Variants in LRRTM4 observed in about 807,000 individuals in gnomAD.
The protein encoded by LRRTM4 is leucine-rich repeat transmembrane neuronal protein 4.
Under a neutral mutation model 47.6 loss-of-function variants are expected in LRRTM4, and 25 were observed. That is an observed-to-expected ratio of 0.53 (90% CI 0.38 to 0.73). The LOEUF (loss-of-function observed/expected upper bound fraction) is 0.73, where lower values mean the gene tolerates loss of function less well. LRRTM4 is among the 30% of genes least tolerant of loss of function. The pLI is 0.00. For missense variants in LRRTM4, 638 were observed against 713.4 expected (o/e 0.89, Z 1.20); for synonymous variants, 311 against 269.5 (o/e 1.15, Z -1.51).
intron 3 of LRRTM4, among the ~76,000 whole-genome samples, chr2:76,778,609 C>T (rs997725086): frequency 4.0e-5 from 6 of 151,856 alleles, no homozygotes; most frequent in Admixed American, 6.6e-5. Context: ...TGGTGATATC[C>T]CCTTTATCAT....
At chr2:77,278,436 T>A (rs1676424316) in intron 3 of LRRTM4, among the ~76,000 whole-genome samples, 1 of 151,960 alleles carries the variant, frequency 6.6e-6, no homozygotes, top group Admixed American at 6.6e-5. Flanking sequence ...TGAATGTTGA[T>A]CAGTACTTTT....
chr2:77,015,663 AT>A (rs59257762), intron 3 of LRRTM4, among the ~76,000 whole-genome samples: 43,052 of 151,866 alleles, frequency 0.28, 7,958 homozygotes, highest in African/African-American at 0.52. Context: ...CACTGGATGT[AT>A]TTTTGAAGTA....
At chr2:77,048,284 T>C (rs1679301013) in intron 3 of LRRTM4, among the ~76,000 whole-genome samples, 1 of 152,050 alleles carries the variant, frequency 6.6e-6, no homozygotes, top group African/African-American at 2.4e-5. Flanking sequence ...AGTATTGGCG[T>C]GAGAAATTGT....
At chr2:76,972,043 A>T (rs12328260) in intron 3 of LRRTM4, among the ~76,000 whole-genome samples, 32,585 of 151,902 alleles carry the variant, frequency 0.21, 4,147 homozygotes, top group African/African-American at 0.34. Flanking sequence ...GCTTCCATTT[A>T]AAATATAGTA....
intron 3 of LRRTM4, chr2:76,772,815 ATTG>A (rs1195042090): frequency 1.8e-4 from 28 of 152,110 alleles, no homozygotes; most frequent in African/African-American, 4.6e-4. Flanking sequence ...ATTAGTAATT[ATTG>A]TTGTTAATCT....
At chr2:76,860,386 G>A (rs541285522) in intron 3 of LRRTM4, among the ~76,000 whole-genome samples, 1 of 152,276 alleles carries the variant, frequency 6.6e-6, no homozygotes, top group Non-Finnish European at 1.5e-5. Flanking sequence ...GTGTTTACAT[G>A]TGGAGCAGAT....
chr2:76,773,850 C>A (rs192283272), intron 3 of LRRTM4, among the ~76,000 whole-genome samples: 1 of 150,864 alleles, frequency 6.6e-6, no homozygotes, highest in African/African-American at 2.4e-5. Flanking sequence ...ATAATGGTAG[C>A]AGAGGTTTGA....
chr2:76,835,466 T>C (rs936474184), intron 3 of LRRTM4, among the ~76,000 whole-genome samples: 2 of 152,156 alleles, frequency 1.3e-5, no homozygotes, highest in African/African-American at 4.8e-5. Context: ...TTCTGATTTA[T>C]TCTTGCATTT....
intron 3 of LRRTM4, among the ~76,000 whole-genome samples, chr2:77,156,998 A>G (rs1315931021): frequency 6.6e-6 from 1 of 151,828 alleles, no homozygotes; most frequent in Non-Finnish European, 1.5e-5. Context: ...AACCTTTAAT[A>G]TTTGTTATCA....
chr2:77,431,072 G>A (rs1406071994), intron 3 of LRRTM4, among the ~76,000 whole-genome samples: 2 of 148,838 alleles, frequency 1.3e-5, no homozygotes, highest in East Asian at 3.9e-4. Context: ...GCCTAGGACT[G>A]AGAGTCGCAA....
At chr2:77,472,777 T>C (rs1055392042) in intron 3 of LRRTM4, among the ~76,000 whole-genome samples, 5 of 152,134 alleles carry the variant, frequency 3.3e-5, no homozygotes, top group Non-Finnish European at 7.4e-5. Flanking sequence ...AGGTACTGGT[T>C]TGATTTCCTA....
intron 3 of LRRTM4, among the ~76,000 whole-genome samples, chr2:77,336,086 T>TGGAA (rs141318745): frequency 4.7e-5 from 7 of 149,654 alleles, no homozygotes; most frequent in South Asian, 2.1e-4. Flanking sequence ...GAAATTATTT[T>TGGAA]GGAAGGAAGG....
chr2:77,311,430 G>C (rs1305618317), intron 3 of LRRTM4, among the ~76,000 whole-genome samples: 2 of 152,162 alleles, frequency 1.3e-5, no homozygotes, highest in Non-Finnish European at 2.9e-5. Flanking sequence ...ATAGTCTCAG[G>C]AGTGGGAACA....
intron 3 of LRRTM4, among the ~76,000 whole-genome samples, chr2:77,079,028 C>G (rs1411111595): frequency 6.6e-6 from 1 of 152,158 alleles, no homozygotes; most frequent in Middle Eastern, 3.2e-3. Context: ...GGACTAAGGC[C>G]TCGCGATCTA....
rs192048651 is a variant in LRRTM4 at position 77,472,829 on chromosome 2, A to G, written c.1551+45489T>C. Among the ~76,000 whole-genome samples, 932 of 152,210 alleles carry G rather than the reference A, an allele frequency of 6.1e-3. 13 individuals carry two copies. The highest frequency in any genetic ancestry group is 0.021 in the African/African-American group (867 of 41,542). ...TGAAGGTGAAGTTGGTAGATAAGCT[A>G]TATGGCTGGTGAATGAAATAAAGGA... is the stretch of plus-strand genomic sequence containing the variant. On this transcript the variant is annotated intron_variant, in intron 3 of 3. Coordinates refer to ENST00000409884, the MANE Select transcript of LRRTM4 (RefSeq NM_001134745.3).
chr2:77,020,861 C>G (rs180934009), intron 3 of LRRTM4, among the ~76,000 whole-genome samples: 176 of 152,246 alleles, frequency 1.2e-3, no homozygotes, highest in African/African-American at 4.2e-3. Flanking sequence ...CATTTTCTGT[C>G]CATGGATTGG....
At chr2:77,187,748 C>T (rs1399487914) in intron 3 of LRRTM4, among the ~76,000 whole-genome samples, 3 of 151,722 alleles carry the variant, frequency 2.0e-5, no homozygotes, top group South Asian at 4.2e-4. Flanking sequence ...GTGATTTTAG[C>T]CTAATCACTG....
chr2:77,245,654 A>G (rs911739257), intron 3 of LRRTM4, among the ~76,000 whole-genome samples: 4 of 152,030 alleles, frequency 2.6e-5, no homozygotes, highest in Non-Finnish European at 5.9e-5. Flanking sequence ...TAGTGTCAAC[A>G]TGAAGCAACT....
intron 3 of LRRTM4, among the ~76,000 whole-genome samples, chr2:77,172,678 A>T (rs1673083508): frequency 6.6e-6 from 1 of 151,714 alleles, no homozygotes; most frequent in Non-Finnish European, 1.5e-5. Flanking sequence ...CCTAATTATC[A>T]TCACACAATG....
Sources: gnomAD v4.1 joint callset for allele counts (sites outside exome capture counted in the v4.1 genomes callset) on GRCh38, gnomAD v4.1.1 for gene constraint, MANE v1.5 for transcripts, NCBI Gene and HGNC (gene_info 2026-07-23, HGNC 2026-07-21) for gene names.